The following MYH6 variants were observed in gnomAD, a reference collection of about 807,000 sequenced individuals.
MYH6 encodes the protein myosin-6.
In MYH6, 126 loss-of-function variants were observed where a neutral mutation model predicts 223.2. The observed-to-expected ratio is 0.56, with a 90% CI of 0.49 to 0.65. The LOEUF (loss-of-function observed/expected upper bound fraction) is 0.65. Among genes scored for constraint, MYH6 ranks in the 30% least tolerant of loss-of-function variants. The pLI is 0.00. For synonymous variants in MYH6, 978 were observed against 1,010.2 expected (o/e 0.97, Z 0.61); for missense variants, 2,040 against 2,536.4 (o/e 0.80, Z 4.20).
At chr14:23,394,547 A>G (rs1354768336) in intron 20 of MYH6, among the ~76,000 whole-genome samples, 1 of 152,242 alleles carries the variant, frequency 6.6e-6, no homozygotes, top group Non-Finnish European at 1.5e-5. Context: ...AATGGAAACT[A>G]CCACTTATAG....
At chr14:23,398,674 G>C in intron 15 of MYH6, 54 bp downstream of exon 15, 1 of 1,588,690 alleles carries the variant, frequency 6.3e-7, no homozygotes, top group Non-Finnish European at 8.6e-7. Context: ...GCAGGACCCT[G>C]GCCCTTTGTG....
chr14:23,382,493 G>T lies in MYH6; in HGVS notation c.5731C>A (p.Arg1911=), dbSNP rs746557077. The change falls in exon 38 of 39, where the codon CGG becomes AGG. Residue 1911 remains arginine (R), a synonymous_variant. Transcript: ENST00000405093. ...ACCTGGGACTCAGCGATGTCCGCCC[G>T]CTCCTCTGCCTCATCCAGCTCATGC... is the stretch of plus-strand genomic sequence containing the variant. ...VQHELDEAEE[R]ADIAESQVNK... 3.1e-6 allele frequency: 5 copies of T among 1,614,144 alleles called. No homozygotes were observed. Among genetic ancestry groups the T allele is most frequent in the Admixed American group, 1.7e-5 (1 of 60,024 alleles).
Position 23,383,242 on chromosome 14 carries a change from G to A in MYH6, c.5644C>T (p.Arg1882Cys), listed in dbSNP as rs779397173. ...GAACTCACCGCCTCCTCGGCCTGGCGCTTGTAGGCCTTGACCTTCAGTTGC... is the reference window on the plus strand; with the variant it reads ...GAACTCACCGCCTCCTCGGCCTGGCACTTGTAGGCCTTGACCTTCAGTTGC... ...KLQLKVKAYK[R>C]QAEEAEEQAN... is the part of the protein sequence containing the mutation. Residue 1882 changes from arginine (R) to cysteine (C), a missense_variant, in exon 37 of 39, where the codon CGC (arginine) becomes TGC (cysteine). Transcript: ENST00000405093. The A allele has an allele frequency of 1.6e-5, 25 of 1,579,806 alleles. No individual in the cohort carries two copies. The highest frequency in any genetic ancestry group is 1.2e-4 in the South Asian group (11 of 90,632).
At chr14:23,390,695 A>C (rs1891213786) in intron 25 of MYH6, among the ~76,000 whole-genome samples, 1 of 152,040 alleles carries the variant, frequency 6.6e-6, no homozygotes, top group African/African-American at 2.4e-5. Context: ...CATCAATAGG[A>C]ATTTGGCTGA....
chr14:23,389,478 G>T lies in MYH6; in HGVS notation c.3893C>A (p.Ala1298Glu), dbSNP rs368588052. 9 of 1,614,118 alleles carry T rather than the reference G, an allele frequency of 5.6e-6. No homozygotes were observed. The highest frequency in any genetic ancestry group is 6.8e-6 in the Non-Finnish European group (8 of 1,180,020). ...ELARQLEEKEALISQLTRGKL... is the reference protein window; with the variant it reads ...ELARQLEEKEELISQLTRGKL... ...CCCCCGGGTCAGCTGCGAGATTAGC[G>T]CCTCCTTTTCCTCTAGCTGCCGGGC... is the stretch of plus-strand genomic sequence containing the variant. Residue 1298 changes from alanine (A) to glutamate (E), a missense_variant, in exon 28 of 39, where the codon GCG becomes GAG. By Grantham distance (107) the Ala-to-Glu change is moderately radical. Around this residue, in one of 4 missense-constraint regions of MYH6, gnomAD observed 1,203 missense variants for 1,400.2 expected, o/e 0.86. Coordinates refer to ENST00000405093, the MANE Select transcript of MYH6 (RefSeq NM_002471.4).
chr14:23,402,654 C>T (rs1448623970), intron 11 of MYH6, 43 bp downstream of exon 11: 1 of 1,613,624 alleles, frequency 6.2e-7, no homozygotes, highest in Non-Finnish European at 8.5e-7. Context: ...GCCCCAGGAG[C>T]TCCTGGGGTC....
chr14:23,386,609 G>A lies in MYH6; in HGVS notation c.4665C>T (p.His1555=), dbSNP rs373888186. 3.8e-5 allele frequency: 61 copies of A among 1,610,258 alleles called. No individual in the cohort carries two copies. Among genetic ancestry groups the A allele is most frequent in the South Asian group, 7.7e-5 (7 of 90,732 alleles). The stretch of plus-strand genomic sequence containing the variant: ...GGGCCCGGAGGATCTTGCCCTCCTC[G>A]TGCTCCAGGGAGGCCTGGGAAGGGG... ...ALEEAEASLE[H]EEGKILRAQL... Residue 1555 remains histidine, a synonymous_variant, in exon 33 of 39, where the codon CAC becomes CAT. Coordinates refer to ENST00000405093, the MANE Select transcript of MYH6 (RefSeq NM_002471.4).
rs764079342 is a variant in MYH6, at chr14:23,405,583, C to T, written c.345+44G>A. ...GAGCCCCCCTGGCTTATTTAGGCCTCCACGCAGCACAGGAAGCCTCTGCAG... is the reference window on the plus strand; with the variant it reads ...GAGCCCCCCTGGCTTATTTAGGCCTTCACGCAGCACAGGAAGCCTCTGCAG... On this transcript the variant is annotated intron_variant, in intron 4 of 38. Coordinates refer to ENST00000405093, the MANE Select transcript of MYH6 (RefSeq NM_002471.4). The surrounding 1 kb of genome is among the most constrained non-coding windows in gnomAD (Gnocchi z 4.7). 1 of 1,613,746 alleles carries T rather than the reference C, an allele frequency of 6.2e-7. No individual in the cohort carries two copies. Among genetic ancestry groups the T allele is most frequent in the South Asian group, 1.1e-5 (1 of 91,060 alleles).
In MYH6 at chr14:23,405,156, G is replaced by A; in HGVS notation, c.503-29C>T. On this transcript the variant is annotated intron_variant, in intron 5 of 38. Transcript: ENST00000405093. The surrounding 1 kb of genome is among the most constrained non-coding windows in gnomAD (Gnocchi z 4.7). Reference sequence around the variant, plus strand: ...GAAGAAAAAAGAGGAGAAGCAATGGGGTCAGGGCTGAGGATCTGGGTGGGT... The same window carrying A: ...GAAGAAAAAAGAGGAGAAGCAATGGAGTCAGGGCTGAGGATCTGGGTGGGT... 6.2e-7 allele frequency: 1 copy of A among 1,614,050 alleles called. No individual in the cohort carries two copies. The highest frequency in any genetic ancestry group is 8.5e-7 in the Non-Finnish European group (1 of 1,180,048).
intron 20 of MYH6, among the ~76,000 whole-genome samples, chr14:23,395,661 G>A (rs1033595951): frequency 3.3e-5 from 5 of 152,234 alleles, no homozygotes; most frequent in African/African-American, 1.2e-4. Flanking sequence ...AGAGTAGCTG[G>A]GACTACAGGC....
In MYH6 at chr14:23,389,735, C is replaced by CA; in HGVS notation, c.3733-17dup. The CA allele has an allele frequency of 6.2e-7, 1 of 1,614,060 alleles. No homozygotes were observed. Among genetic ancestry groups the CA allele is most frequent in the African/African-American group, 1.3e-5 (1 of 74,982 alleles). ...CCAGGTTTGCCTTCAGGAAGCAAGA[C>CA]AGGAAGGGTGAGTGTGGGAGGGGCT... is the stretch of plus-strand genomic sequence containing the variant. On this transcript the variant is annotated splice_polypyrimidine_tract_variant and intron_variant, in intron 26 of 38. Coordinates refer to ENST00000405093, the MANE Select transcript of MYH6 (RefSeq NM_002471.4).
chr14:23,403,815 G>GCCCCAGCCGA, intron 8 of MYH6, 37 bp from the exon 9 acceptor site: 1 of 1,553,418 alleles, frequency 6.4e-7, no homozygotes. Flanking sequence ...GAACTGGCGG[G>GCCCCAGCCGA]AAGGACAGAG....
intron 22 of MYH6, 23 bp from the exon 23 acceptor site, chr14:23,393,541 C>G: frequency 6.2e-7 from 1 of 1,614,022 alleles, no homozygotes; most frequent in Non-Finnish European, 8.5e-7. Context: ...AACCCATCCC[C>G]TTTAGGGTCA....
rs191845412 is a variant in MYH6 at position 23,406,867 on chromosome 14, G to A, written c.201+156C>T. 3.0e-4 allele frequency among the ~76,000 whole-genome samples: 45 copies of A among 152,252 alleles called. No homozygotes were observed. In the East Asian group the frequency reaches 7.7e-3, roughly 26 times the overall value. On this transcript the variant is annotated intron_variant, in intron 3 of 38. Transcript: ENST00000405093. ...CACCAGCTCAGGTCAATTTGAGAGG[G>A]ATCAGATTCTGGGCTCCTCAAAGGA... is the stretch of plus-strand genomic sequence containing the variant.
chr14:23,388,684 C>G, intron 29 of MYH6, 175 bp downstream of exon 29: 1 of 1,104,072 alleles, frequency 9.1e-7, no homozygotes, highest in South Asian at 1.2e-5. Flanking sequence ...TGGGTCAGGG[C>G]CAGCCAGAGT....
Position 23,407,196 on chromosome 14 carries a change from CAA to C in MYH6, c.26_27del (p.Phe9TrpfsTer23), listed in dbSNP as rs1165356284. The stretch of plus-strand genomic sequence containing the variant: ...TTGCGGAGGTACTGGGCCGCTGCCC[CAA>C]AGTCAGCCATCTGGGCATCGGTCAT... MTDAQMAD[F>X]GAAAQYLRKS... On this transcript the variant is annotated frameshift_variant, in exon 3 of 39. Transcript: ENST00000405093. LOFTEE classifies it high-confidence loss of function. The surrounding 1 kb of genome is among the most constrained non-coding windows in gnomAD (Gnocchi z 5.6). 2 of 1,614,124 alleles carry C rather than the reference CAA, an allele frequency of 1.2e-6. No individual in the cohort carries two copies. The highest frequency in any genetic ancestry group is 2.7e-5 in the African/African-American group (2 of 74,952).
At chr14:23,403,920 G>A (rs777508308) in intron 8 of MYH6, 142 bp from the exon 9 acceptor site, 51 of 796,754 alleles carry the variant, frequency 6.4e-5, no homozygotes, top group South Asian at 3.2e-4. Flanking sequence ...AAGTGAAGCC[G>A]GGCAGAGGAT....
chr14:23,389,122 C>A, intron 28 of MYH6, 67 bp from the exon 29 acceptor site: 1 of 1,506,748 alleles, frequency 6.6e-7, no homozygotes, highest in Admixed American at 2.0e-5. Context: ...AGATTCTCTT[C>A]TTATGTAGTA....
chr14:23,384,767 T>G (rs761774498), intron 35 of MYH6, 50 bp from the exon 36 acceptor site: 1 of 1,613,920 alleles, frequency 6.2e-7, no homozygotes, highest in South Asian at 1.1e-5. Flanking sequence ...GGCCGGGGCC[T>G]TTTGCCCCCC....
Sources: allele counts gnomAD v4.1 joint callset (sites outside exome capture counted in the v4.1 genomes callset), GRCh38; gene constraint gnomAD v4.1.1; regional missense constraint gnomAD v4.1.1; non-coding constraint Gnocchi (gnomAD v3.1); transcripts MANE v1.5; gene names NCBI Gene and HGNC (gene_info 2026-07-23, HGNC 2026-07-21).